The following MAN1A2 variants were observed in gnomAD, a reference collection of about 807,000 sequenced individuals.
The protein encoded by MAN1A2 is mannosyl-oligosaccharide 1,2-alpha-mannosidase IB.
A neutral mutation model predicts 75.7 loss-of-function variants in MAN1A2; 26 were observed. The ratio of observed to expected loss-of-function variants is 0.34; its 90% CI spans 0.25 to 0.48. MAN1A2 has a LOEUF of 0.48. Among genes scored for constraint, MAN1A2 ranks in the 20% least tolerant of loss-of-function variants. The pLI is 0.99. For synonymous variants in MAN1A2, 247 were observed against 264.6 expected (o/e 0.93, Z 0.65); for missense variants, 562 against 775.5 (o/e 0.72, Z 3.27).
intron 6 of MAN1A2, among the ~76,000 whole-genome samples, chr1:117,456,836 T>C (rs1649595996): frequency 6.6e-6 from 1 of 152,066 alleles, no homozygotes; most frequent in African/African-American, 2.4e-5. Flanking sequence ...ATAGGGCTTC[T>C]CAATTTCATT....
At chr1:117,383,884 T>A (rs1451192521) in intron 1 of MAN1A2, among the ~76,000 whole-genome samples, 3 of 152,142 alleles carry the variant, frequency 2.0e-5, no homozygotes, top group Admixed American at 6.5e-5. Context: ...GTCTCTTCAG[T>A]AGCTGGGACT....
chr1:117,490,498 G>A (rs1338978959), intron 8 of MAN1A2, among the ~76,000 whole-genome samples: 1 of 152,060 alleles, frequency 6.6e-6, no homozygotes, highest in East Asian at 1.9e-4. Flanking sequence ...CCATTTCCCT[G>A]TCTCTCTCCT....
At chr1:117,510,237 T>G (rs1286773111) in intron 12 of MAN1A2, among the ~76,000 whole-genome samples, 1 of 151,984 alleles carries the variant, frequency 6.6e-6, no homozygotes. Flanking sequence ...AATGGATGAC[T>G]AGGGCAGTGG....
At chr1:117,514,028 T>A (rs1651627812) in intron 12 of MAN1A2, among the ~76,000 whole-genome samples, 1 of 152,204 alleles carries the variant, frequency 6.6e-6, no homozygotes. Context: ...GGTAAGTATA[T>A]GTGCACTTCA....
intron 8 of MAN1A2, among the ~76,000 whole-genome samples, chr1:117,486,999 T>C (rs1396377208): frequency 6.6e-6 from 1 of 151,994 alleles, no homozygotes; most frequent in East Asian, 1.9e-4. Context: ...TGGGAACATA[T>C]TAAGCCTATT....
At chr1:117,439,047 G>A (rs1557951060) in intron 5 of MAN1A2, among the ~76,000 whole-genome samples, 1 of 152,190 alleles carries the variant, frequency 6.6e-6, no homozygotes, top group Non-Finnish European at 1.5e-5. Context: ...ATTAGTGGGT[G>A]AGGATATTTT....
chr1:117,458,489 A>ATC (rs1450082060), intron 6 of MAN1A2, among the ~76,000 whole-genome samples: 4 of 69,326 alleles, frequency 5.8e-5, no homozygotes, highest in African/African-American at 3.0e-4. Flanking sequence ...TGAGAAATAT[A>ATC]TATATATCTA....
intron 11 of MAN1A2, among the ~76,000 whole-genome samples, chr1:117,502,467 T>G (rs938547186): frequency 5.9e-5 from 9 of 151,692 alleles, no homozygotes; most frequent in African/African-American, 2.2e-4. Context: ...TGTTTGTCCT[T>G]GGAAGTGATA....
At chr1:117,376,830 C>G (rs936842403) in intron 1 of MAN1A2, among the ~76,000 whole-genome samples, 3 of 152,144 alleles carry the variant, frequency 2.0e-5, no homozygotes. Context: ...TTTTTCTTGT[C>G]ATTATTTCCT....
At chr1:117,463,119 TA>T (rs982831976) in intron 7 of MAN1A2, among the ~76,000 whole-genome samples, 10 of 150,706 alleles carry the variant, frequency 6.6e-5, no homozygotes, top group African/African-American at 1.9e-4. Context: ...TTAATTATGT[TA>T]AAAATTATTT....
At position 117,466,438 on chromosome 1, in the gene MAN1A2, T is replaced by C; in HGVS notation, c.1168+11T>C. 6.6e-7 allele frequency: 1 copy of C among 1,513,678 alleles called. No homozygotes were observed. The highest frequency in any genetic ancestry group is 9.0e-7 in the Non-Finnish European group (1 of 1,109,752). The allele number at this position is 1,513,678 out of a possible 1,614,324, so 93.8% of individuals were successfully genotyped here. A position where few individuals can be genotyped will look rare whatever the true frequency, so the allele number is the denominator to read the frequency against. On this transcript the variant is annotated intron_variant, in intron 8 of 12. Coordinates refer to ENST00000356554, the MANE Select transcript of MAN1A2 (RefSeq NM_006699.5). ...GGCGCTGGGGTCAGTGTAAGTATTC[T>C]AGTATACCTGAGGCTTTCTTAAAAA...
chr1:117,410,556 C>G (rs995786857), intron 3 of MAN1A2, among the ~76,000 whole-genome samples: 11 of 150,772 alleles, frequency 7.3e-5, no homozygotes, highest in Admixed American at 6.6e-5. Flanking sequence ...AGGTGTCTAC[C>G]CTCTCACTTT....
At chr1:117,412,028 T>G (rs961058970) in intron 3 of MAN1A2, among the ~76,000 whole-genome samples, 4 of 151,776 alleles carry the variant, frequency 2.6e-5, no homozygotes, top group African/African-American at 9.7e-5. Context: ...TTTCCGCCAA[T>G]GATATAAAGA....
intron 6 of MAN1A2, among the ~76,000 whole-genome samples, chr1:117,444,394 C>CTT (rs770908058): frequency 2.2e-5 from 3 of 135,136 alleles, no homozygotes; most frequent in African/African-American, 5.4e-5. Flanking sequence ...AAAGCATCTG[C>CTT]TTTTTTTTTT....
intron 1 of MAN1A2, among the ~76,000 whole-genome samples, chr1:117,374,170 G>A (rs1303441414): frequency 2.6e-5 from 4 of 152,060 alleles, no homozygotes; most frequent in African/African-American, 9.7e-5. Context: ...TGGGCATGGT[G>A]GTTGGTGCCT....
intron 8 of MAN1A2, among the ~76,000 whole-genome samples, chr1:117,470,589 G>A (rs1650118282): frequency 6.6e-6 from 1 of 152,004 alleles, no homozygotes; most frequent in Admixed American, 6.6e-5. Context: ...ACTCTCAGCA[G>A]TTTTTAATTT....
At chr1:117,471,771 C>T (rs1650169225) in intron 8 of MAN1A2, among the ~76,000 whole-genome samples, 1 of 151,618 alleles carries the variant, frequency 6.6e-6, no homozygotes, top group Non-Finnish European at 1.5e-5. Context: ...TATAACATTT[C>T]TAATTCACAT....
chr1:117,445,892 ATATATATG>A (rs1332925729), intron 6 of MAN1A2, among the ~76,000 whole-genome samples: 74 of 144,554 alleles, frequency 5.1e-4, no homozygotes, highest in Non-Finnish European at 1.1e-3. Flanking sequence ...GTGTATATAT[ATATATATG>A]TATATATGTA....
chr1:117,384,432 T>A (rs2101730377), intron 1 of MAN1A2, among the ~76,000 whole-genome samples: 1 of 152,288 alleles, frequency 6.6e-6, no homozygotes, highest in South Asian at 2.1e-4. Flanking sequence ...ATTATTAATA[T>A]CTAACTTCAT....
Sources: allele counts gnomAD v4.1 joint callset (sites outside exome capture counted in the v4.1 genomes callset), GRCh38; gene constraint gnomAD v4.1.1; transcripts MANE v1.5; gene names NCBI Gene and HGNC (gene_info 2026-07-23, HGNC 2026-07-21).